The following GRIK4 variants were observed in gnomAD, a reference collection of about 807,000 sequenced individuals.
GRIK4 encodes the protein glutamate ionotropic receptor kainate type subunit 4.
Under a neutral mutation model 104.9 loss-of-function variants are expected in GRIK4, and 40 were observed. The observed-to-expected ratio is 0.38, with a 90% CI of 0.30 to 0.50. The LOEUF (loss-of-function observed/expected upper bound fraction) is 0.50, where lower values mean the gene tolerates loss of function less well. GRIK4 is among the 20% of genes least tolerant of loss of function. The pLI, the probability that GRIK4 is intolerant of heterozygous loss-of-function variation, is 0.93. For synonymous variants in GRIK4, 485 were observed against 524.9 expected (o/e 0.92, Z 1.04); for missense variants, 1,047 against 1,308.1 (o/e 0.80, Z 3.08).
intron 11 of GRIK4, among the ~76,000 whole-genome samples, chr11:120,896,287 C>G (rs569115711): frequency 2.0e-5 from 3 of 152,240 alleles, no homozygotes; most frequent in Admixed American, 6.5e-5. Flanking sequence ...CTGACAGGCT[C>G]TGTGACCTCA....
At chr11:120,872,179 C>CT in intron 9 of GRIK4, 1 of 319,704 alleles carries the variant, frequency 3.1e-6, no homozygotes, top group South Asian at 2.8e-5. Flanking sequence ...CTTTTACAGA[C>CT]TTGTGAGGCA....
chr11:120,672,403 T>C (rs1950034396), intron 3 of GRIK4, among the ~76,000 whole-genome samples: 1 of 151,714 alleles, frequency 6.6e-6, no homozygotes, highest in African/African-American at 2.4e-5. Flanking sequence ...TCAACAAGAG[T>C]GAAACTCTGT....
chr11:120,685,932 G>A (rs7106261), intron 3 of GRIK4, among the ~76,000 whole-genome samples: 69,031 of 151,882 alleles, frequency 0.45, 15,905 homozygotes, highest in East Asian at 0.49. Flanking sequence ...ATCATCTGCA[G>A]CGCTACCTCT....
At chr11:120,749,580 A>G (rs1951508641) in intron 3 of GRIK4, among the ~76,000 whole-genome samples, 1 of 152,222 alleles carries the variant, frequency 6.6e-6, no homozygotes, top group Non-Finnish European at 1.5e-5. Context: ...CCCAGAATGA[A>G]TCACACCAAA....
At chr11:120,643,959 A>G (rs1397063270) in intron 1 of GRIK4, among the ~76,000 whole-genome samples, 1 of 151,786 alleles carries the variant, frequency 6.6e-6, no homozygotes, top group African/African-American at 2.4e-5. Flanking sequence ...CAGTCTAACA[A>G]TGCAGATAAT....
chr11:120,815,946 T>C (rs1165639791), intron 5 of GRIK4, among the ~76,000 whole-genome samples: 1 of 152,250 alleles, frequency 6.6e-6, no homozygotes, highest in African/African-American at 2.4e-5. Context: ...TGAAAGCCTC[T>C]GTCATATAAG....
chr11:120,588,611 A>G (rs4936521), intron 1 of GRIK4, among the ~76,000 whole-genome samples: 42,903 of 152,070 alleles, frequency 0.28, 7,843 homozygotes, highest in Non-Finnish European at 0.41. Flanking sequence ...CCAGGAGGTC[A>G]AGGGTGTAAG....
intron 6 of GRIK4, among the ~76,000 whole-genome samples, chr11:120,831,225 G>A (rs891346051): frequency 6.6e-6 from 1 of 152,184 alleles, no homozygotes; most frequent in African/African-American, 2.4e-5. Flanking sequence ...TCTGTTTTCT[G>A]GGCCTTGGGA....
At chr11:120,821,658 G>A (rs1239492252) in intron 6 of GRIK4, among the ~76,000 whole-genome samples, 1 of 152,226 alleles carries the variant, frequency 6.6e-6, no homozygotes, top group African/African-American at 2.4e-5. Flanking sequence ...AGGAGCTGGG[G>A]ACCCTCAGAC....
intron 3 of GRIK4, among the ~76,000 whole-genome samples, chr11:120,793,199 C>T (rs576561739): frequency 4.6e-5 from 7 of 152,008 alleles, no homozygotes; most frequent in African/African-American, 1.5e-4. Context: ...GTGGTGGGGA[C>T]GGAAGGCAGA....
At chr11:120,919,072 G>A (rs977120935) in intron 13 of GRIK4, among the ~76,000 whole-genome samples, 3 of 152,130 alleles carry the variant, frequency 2.0e-5, no homozygotes, top group African/African-American at 7.2e-5. Flanking sequence ...CAAAGCCCAC[G>A]GTCATTCTAA....
intron 6 of GRIK4, among the ~76,000 whole-genome samples, chr11:120,831,447 A>G (rs1953425760): frequency 1.3e-5 from 2 of 152,192 alleles, no homozygotes; most frequent in Non-Finnish European, 2.9e-5. Flanking sequence ...AACTGGCCAC[A>G]TGGAGAAGTC....
At chr11:120,642,747 C>G (rs1320237010) in intron 1 of GRIK4, among the ~76,000 whole-genome samples, 1 of 152,174 alleles carries the variant, frequency 6.6e-6, no homozygotes, top group East Asian at 1.9e-4. Context: ...TCCTTGCGTC[C>G]AGGATGAGAA....
In GRIK4 at chr11:120,549,507, G is replaced by A. The variant is rs1948119148; in HGVS notation, c.-159+37620G>A. Among the ~76,000 whole-genome samples the A allele has an allele frequency of 6.6e-6, 1 of 152,218 alleles. No individual in the cohort carries two copies. The highest frequency in any genetic ancestry group is 1.5e-5 in the Non-Finnish European group (1 of 68,042). The stretch of plus-strand genomic sequence containing the variant: ...ACAAGGAGTGAGCCCTTCACGGGGG[G>A]CTGCAGTGGCACCTGTGTGCAGGCC... On this transcript the variant is annotated intron_variant, in intron 1 of 20. Transcript: ENST00000527524. This position sits in a 1 kb window ranked among gnomAD's most constrained non-coding sequence, Gnocchi z 4.7.
chr11:120,812,902 TG>T (rs1275994702), intron 4 of GRIK4, among the ~76,000 whole-genome samples: 8 of 152,066 alleles, frequency 5.3e-5, no homozygotes, highest in Middle Eastern at 3.4e-3. Context: ...CTGAATTTGG[TG>T]GGTGGGAGAA....
intron 1 of GRIK4, among the ~76,000 whole-genome samples, chr11:120,637,217 G>A (rs886146751): frequency 6.6e-6 from 1 of 152,126 alleles, no homozygotes; most frequent in Non-Finnish European, 1.5e-5. Context: ...AGACAGGCAG[G>A]GAGCGGGTGT....
chr11:120,949,042 GGTGTCCCCA>G (rs1943935900), intron 14 of GRIK4, among the ~76,000 whole-genome samples: 1 of 152,160 alleles, frequency 6.6e-6, no homozygotes, highest in Non-Finnish European at 1.5e-5. Flanking sequence ...GCCTGGCTCC[GGTGTCCCCA>G]TGAATCTGGC....
intron 13 of GRIK4, among the ~76,000 whole-genome samples, chr11:120,917,518 C>T (rs374163359): frequency 1.3e-5 from 2 of 152,086 alleles, no homozygotes; most frequent in Admixed American, 6.5e-5. Flanking sequence ...CTGGGAGCCC[C>T]GAGCAGGGCA....
chr11:120,650,506 C>A (rs1369084602), intron 1 of GRIK4, among the ~76,000 whole-genome samples: 1 of 152,256 alleles, frequency 6.6e-6, no homozygotes, highest in African/African-American at 2.4e-5. Flanking sequence ...TCCCCCCTCC[C>A]AGACCTGGCT....
Sources: allele counts gnomAD v4.1 joint callset (sites outside exome capture counted in the v4.1 genomes callset), GRCh38; gene constraint gnomAD v4.1.1; non-coding constraint Gnocchi (gnomAD v3.1); transcripts MANE v1.5; gene names NCBI Gene and HGNC (gene_info 2026-07-23, HGNC 2026-07-21).